NCOA3: variants seen among roughly 807,000 people sequenced by gnomAD.
NCOA3 encodes the protein CBP-interacting protein.
Under a neutral mutation model 158.8 loss-of-function variants are expected in NCOA3, and 51 were observed. That is an observed-to-expected ratio of 0.32 (90% CI 0.26 to 0.41). The LOEUF (loss-of-function observed/expected upper bound fraction) is 0.41. NCOA3 is among the 10% of genes least tolerant of loss of function. NCOA3 has a pLI of 1.00. For missense variants in NCOA3, 1,510 were observed against 1,746.6 expected (o/e 0.86, Z 2.41); for synonymous variants, 537 against 592.4 (o/e 0.91, Z 1.36).
At chr20:47,628,259 T>TA (rs200768667) in intron 8 of NCOA3, among the ~76,000 whole-genome samples, 8 of 150,714 alleles carry the variant, frequency 5.3e-5, no homozygotes, top group Admixed American at 1.3e-4. Context: ...CCAGATAAAT[T>TA]AAAAAAAAAA....
chr20:47,604,534 G>A (rs960005633), intron 2 of NCOA3, among the ~76,000 whole-genome samples: 3 of 152,094 alleles, frequency 2.0e-5, no homozygotes, highest in Non-Finnish European at 2.9e-5. Context: ...TTTATAATTC[G>A]TGAAAGCTTA....
Position 47,635,478 on chromosome 20 carries a change from C to A in NCOA3, c.1269C>A (p.Ser423Arg). 6.2e-7 allele frequency: 1 copy of A among 1,614,064 alleles called. No individual in the cohort carries two copies. Among genetic ancestry groups the A allele is most frequent in the Non-Finnish European group, 8.5e-7 (1 of 1,179,998 alleles). ...GGGCCTATGGCTTGGCAGACCCTAGCACCACAGGGCAGATGAGTGGAGCTA... is the reference window on the plus strand; with the variant it reads ...GGGCCTATGGCTTGGCAGACCCTAGAACCACAGGGCAGATGAGTGGAGCTA... The part of the protein sequence containing the change: ...SSRAYGLADP[S>R]TTGQMSGARY... Residue 423 changes from serine to arginine, a missense_variant, in exon 11 of 23, where the codon AGC becomes AGA. Ser to Arg is a moderately radical substitution (Grantham distance 110). Transcript: ENST00000371998.
At chr20:47,523,033 A>T (rs1378453358) in intron 1 of NCOA3, among the ~76,000 whole-genome samples, 1 of 152,124 alleles carries the variant, frequency 6.6e-6, no homozygotes, top group Non-Finnish European at 1.5e-5. Context: ...TACTAAAAAT[A>T]CAAAAAGCCA....
chr20:47,636,851 A>ATTTAACTTTC, intron 12 of NCOA3, 89 bp downstream of exon 12: 1 of 1,244,420 alleles, frequency 8.0e-7, no homozygotes, highest in Non-Finnish European at 1.1e-6. Context: ...TTTTAGGTTT[A>ATTTAACTTTC]TTTAAAGAAA....
rs371288408 is a variant in NCOA3, at chr20:47,510,128, C to T, written c.-99+8109C>T. On this transcript the variant is annotated intron_variant, in intron 1 of 22. Coordinates refer to ENST00000371998, the MANE Select transcript of NCOA3 (RefSeq NM_181659.3). ...AATCAATAAAATGGAATCCAGAAAG[C>T]GACTTTAAACGTACACAGTCATGGC... 9.2e-5 allele frequency among the ~76,000 whole-genome samples: 14 copies of T among 151,978 alleles called. No individual in the cohort carries two copies. The East Asian group carries it at 1.7e-3, about 19-fold the overall frequency.
chr20:47,546,654 C>T (rs2084834731), intron 1 of NCOA3, among the ~76,000 whole-genome samples: 1 of 151,846 alleles, frequency 6.6e-6, no homozygotes. Flanking sequence ...GCCTCAGCCT[C>T]TCGAGTTGCT....
At position 47,635,920 on chromosome 20, in the gene NCOA3, A is replaced by T. The variant is rs1270599160; in HGVS notation, c.1534A>T (p.Asn512Tyr). 6 of 1,613,700 alleles carry T rather than the reference A, an allele frequency of 3.7e-6. No homozygotes were observed. In the South Asian group the frequency reaches 5.5e-5, roughly 15 times the overall value. ...GCACTCTCCCATGGCATCTTCTGGC[A>T]ATACTGGGAACCACAGCTTTTCCAG... is the stretch of plus-strand genomic sequence containing the variant. The part of the protein sequence containing the change: ...GVHSPMASSG[N>Y]TGNHSFSSSS... The change falls in exon 12 of 23, where the codon AAT becomes TAT. Residue 512 changes from asparagine to tyrosine, a missense_variant. Coordinates refer to ENST00000371998, the MANE Select transcript of NCOA3 (RefSeq NM_181659.3).
intron 19 of NCOA3, among the ~76,000 whole-genome samples, chr20:47,650,639 G>T (rs767040792): frequency 6.6e-6 from 1 of 151,824 alleles, no homozygotes; most frequent in Admixed American, 6.5e-5. Flanking sequence ...CGAGGTGGGC[G>T]GATCACCTGA....
chr20:47,582,009 A>G (rs1455634839), intron 1 of NCOA3, among the ~76,000 whole-genome samples: 1 of 152,000 alleles, frequency 6.6e-6, no homozygotes, highest in Non-Finnish European at 1.5e-5. Context: ...CCAGGGTATT[A>G]ATGTTGTCTT....
In NCOA3 at chr20:47,650,259, C is replaced by CTT. The variant is rs555753870; in HGVS notation, c.3652-707_3652-706dup. Among the ~76,000 whole-genome samples the CTT allele has an allele frequency of 2.1e-3, 280 of 131,076 alleles. 1 individual carries two copies. The highest frequency in any genetic ancestry group is 3.0e-3 in the South Asian group (12 of 3,998). 86.0% of individuals were successfully genotyped at this position (131,076 alleles called of 152,430 possible). On this transcript the variant is annotated intron_variant, in intron 19 of 22. Transcript: ENST00000371998. ...CCCTCCCCTTGCAATAGCCAGAAAGCTTTTTTTTTTTTTTTTTGAGAGTCA... is the reference window on the plus strand; with the variant it reads ...CCCTCCCCTTGCAATAGCCAGAAAGCTTTTTTTTTTTTTTTTTTTGAGAGTCA...
chr20:47,561,436 G>A (rs1481160361), intron 1 of NCOA3, among the ~76,000 whole-genome samples: 1 of 151,706 alleles, frequency 6.6e-6, no homozygotes, highest in Non-Finnish European at 1.5e-5. Flanking sequence ...CAAGAAGCTA[G>A]GACTATAGGC....
intron 1 of NCOA3, among the ~76,000 whole-genome samples, chr20:47,521,889 T>C (rs2084340439): frequency 6.6e-6 from 1 of 152,178 alleles, no homozygotes; most frequent in Non-Finnish European, 1.5e-5. Flanking sequence ...CCTTTGCATT[T>C]CCATATAATT....
chr20:47,620,306 G>A (rs1259158415), intron 2 of NCOA3, among the ~76,000 whole-genome samples: 1 of 152,130 alleles, frequency 6.6e-6, no homozygotes. Context: ...GAGACAGGGT[G>A]TTACTGTGTT....
chr20:47,508,156 A>C (rs2084058694), intron 1 of NCOA3, among the ~76,000 whole-genome samples: 1 of 152,186 alleles, frequency 6.6e-6, no homozygotes, highest in Non-Finnish European at 1.5e-5. Flanking sequence ...TAAGAAAAAG[A>C]CTGTTCTTAT....
At chr20:47,534,168 T>A (rs2084596390) in intron 1 of NCOA3, among the ~76,000 whole-genome samples, 1 of 151,992 alleles carries the variant, frequency 6.6e-6, no homozygotes, top group Non-Finnish European at 1.5e-5. Context: ...AGTTTTTGGC[T>A]TGAACAACTA....
chr20:47,604,331 G>GA (rs2085909945), intron 2 of NCOA3, among the ~76,000 whole-genome samples: 1 of 152,188 alleles, frequency 6.6e-6, no homozygotes, highest in African/African-American at 2.4e-5. Context: ...CAGCTGTTAA[G>GA]TCTGTGTTCT....
chr20:47,523,212 T>G (rs2084374392), intron 1 of NCOA3, among the ~76,000 whole-genome samples: 1 of 152,044 alleles, frequency 6.6e-6, no homozygotes, highest in Non-Finnish European at 1.5e-5. Flanking sequence ...CCACGAAAAC[T>G]TCCCAAGGAC....
At chr20:47,543,718 C>T (rs562387534) in intron 1 of NCOA3, among the ~76,000 whole-genome samples, 1 of 152,174 alleles carries the variant, frequency 6.6e-6, no homozygotes, top group East Asian at 1.9e-4. Flanking sequence ...CCATGTTGGC[C>T]AGGCTGGTCT....
At chr20:47,641,056 G>T (rs146397583) in intron 16 of NCOA3, among the ~76,000 whole-genome samples, 1 of 152,302 alleles carries the variant, frequency 6.6e-6, no homozygotes, top group East Asian at 1.9e-4. Context: ...GTAACTATAT[G>T]AATTTATTTG....
Sources: allele counts gnomAD v4.1 joint callset (sites outside exome capture counted in the v4.1 genomes callset), GRCh38; gene constraint gnomAD v4.1.1; transcripts MANE v1.5; gene names NCBI Gene and HGNC (gene_info 2026-07-23, HGNC 2026-07-21).